The following NPAT variants were observed in gnomAD, a reference collection of about 807,000 sequenced individuals.
NPAT encodes nuclear protein, coactivator of histone transcription.
Under a neutral mutation model 130.7 loss-of-function variants are expected in NPAT, and 52 were observed. The observed-to-expected ratio is 0.40, with a 90% CI of 0.32 to 0.50. The LOEUF (loss-of-function observed/expected upper bound fraction) is 0.50, where lower values mean the gene tolerates loss of function less well. Ranked by LOEUF, NPAT falls within the 20% of genes least tolerant of loss-of-function variation. The pLI, the probability that NPAT is intolerant of heterozygous loss-of-function variation, is 0.68. For synonymous variants in NPAT, 580 were observed against 584.8 expected (o/e 0.99, Z 0.12); for missense variants, 1,687 against 1,662.6 (o/e 1.01, Z -0.26).
intron 10 of NPAT, among the ~76,000 whole-genome samples, chr11:108,179,724 G>A (rs538313382): frequency 4.7e-4 from 71 of 152,184 alleles, no homozygotes; most frequent in African/African-American, 1.7e-3. Context: ...CAAGGCAGGA[G>A]GATGGCTTGA....
At position 108,172,465 on chromosome 11, in the gene NPAT, G is replaced by GT; in HGVS notation, c.2518dup (p.Thr840AsnfsTer26). 3 of 1,614,174 alleles carry GT rather than the reference G, an allele frequency of 1.9e-6. No homozygotes were observed. The highest frequency in any genetic ancestry group is 2.5e-6 in the Non-Finnish European group (3 of 1,180,012). ...TCCTCCATCCTTGGAAACACATGGT[G>GT]TAACATTAGCTGAAAAAGCAATGCC... On this transcript the variant is annotated frameshift_variant, in exon 13 of 18. Coordinates refer to ENST00000278612, the MANE Select transcript of NPAT (RefSeq NM_002519.3). LOFTEE classifies it high-confidence loss of function.
In NPAT at chr11:108,173,556, G is replaced by A. The variant is rs372552435; in HGVS notation, c.1428C>T (p.Ser476=). The change falls in exon 13 of 18, where the codon TCC becomes TCT. Residue 476 remains serine (S), a synonymous_variant. Transcript: ENST00000278612. The part of the protein sequence containing the change: ...HCAELYTNQM[S]TETEMAIGIE... ...TCCCTATAGCCATTTCAGTTTCAGT[G>A]GACATCTGATTGGTGTATAATTCAG... 2.7e-5 allele frequency: 44 copies of A among 1,614,034 alleles called. No homozygotes were observed. Among genetic ancestry groups the A allele is most frequent in the African/African-American group, 5.3e-5 (4 of 74,922 alleles).
At chr11:108,212,081 A>G (rs1413855694) in intron 1 of NPAT, among the ~76,000 whole-genome samples, 1 of 152,198 alleles carries the variant, frequency 6.6e-6, no homozygotes, top group African/African-American at 2.4e-5. Flanking sequence ...TATTAAAAAA[A>G]AAAAAAGCCA....
Position 108,172,983 on chromosome 11 carries a change from T to C in NPAT, c.2001A>G (p.Lys667=), listed in dbSNP as rs371874908. Residue 667 remains lysine, a synonymous_variant, in exon 13 of 18, where the codon AAA becomes AAG. Transcript: ENST00000278612. ...ENSQEPSSSV[K]EENTIFLSLG... ...AAGAGAGAAAAATAGTATTCTCTTC[T>C]TTTACAGAAGATGAAGGCTCCTGTG... is the stretch of plus-strand genomic sequence containing the variant. 1 of 1,614,128 alleles carries C rather than the reference T, an allele frequency of 6.2e-7. No homozygotes were observed. Among genetic ancestry groups the C allele is most frequent in the East Asian group, 2.2e-5 (1 of 44,878 alleles).
intron 1 of NPAT, among the ~76,000 whole-genome samples, chr11:108,221,795 G>C (rs2078505363): frequency 6.6e-6 from 1 of 152,068 alleles, no homozygotes; most frequent in Non-Finnish European, 1.5e-5. Context: ...CTCTCACACA[G>C]ACAATACACC....
chr11:108,188,235 T>C, intron 6 of NPAT, 56 bp from the exon 7 acceptor site: 6 of 1,257,618 alleles, frequency 4.8e-6, no homozygotes, highest in South Asian at 1.2e-5. Context: ...TTTTCTAAAC[T>C]TGTAATGGGA....
chr11:108,162,577 C>T (rs1041611633), intron 15 of NPAT, among the ~76,000 whole-genome samples: 2 of 152,034 alleles, frequency 1.3e-5, no homozygotes, highest in Admixed American at 6.6e-5. Context: ...ATTACAGGCG[C>T]CCCCAACCAT....
chr11:108,199,843 G>A (rs1419264803), intron 1 of NPAT, among the ~76,000 whole-genome samples: 1 of 152,156 alleles, frequency 6.6e-6, no homozygotes, highest in Non-Finnish European at 1.5e-5. Context: ...ATCCCCAACA[G>A]CCCGTTCGGG....
chr11:108,177,565 G>T (rs1487558021), intron 10 of NPAT, among the ~76,000 whole-genome samples: 1 of 152,058 alleles, frequency 6.6e-6, no homozygotes, highest in Admixed American at 6.6e-5. Context: ...CCAATGACAT[G>T]CTCATTTAAA....
intron 1 of NPAT, among the ~76,000 whole-genome samples, chr11:108,216,889 T>C (rs544164521): frequency 6.6e-6 from 1 of 152,354 alleles, no homozygotes; most frequent in East Asian, 1.9e-4. Flanking sequence ...TGGTTTACTT[T>C]TGTCCCAAAA....
At chr11:108,178,493 T>C (rs2078030387) in intron 10 of NPAT, among the ~76,000 whole-genome samples, 1 of 152,174 alleles carries the variant, frequency 6.6e-6, no homozygotes, top group Non-Finnish European at 1.5e-5. Context: ...TTAAAACCTA[T>C]AGATTAAATG....
intron 12 of NPAT, among the ~76,000 whole-genome samples, chr11:108,175,032 A>G (rs1001700618): frequency 1.3e-5 from 2 of 152,214 alleles, no homozygotes; most frequent in Admixed American, 6.5e-5. Flanking sequence ...TATGTCAACT[A>G]GCATATACAG....
chr11:108,190,008 G>C (rs904030660), intron 5 of NPAT, among the ~76,000 whole-genome samples: 4 of 151,120 alleles, frequency 2.6e-5, no homozygotes, highest in Admixed American at 6.6e-5. Flanking sequence ...TAACATAACT[G>C]TACTTAGAAA....
chr11:108,213,755 C>T (rs1465942199), intron 1 of NPAT, among the ~76,000 whole-genome samples: 1 of 152,198 alleles, frequency 6.6e-6, no homozygotes, highest in African/African-American at 2.4e-5. Context: ...TCAAAACTTA[C>T]TGTAAAGCTA....
Position 108,185,313 on chromosome 11 carries a change from G to A in NPAT, c.825C>T (p.Asn275=). The A allele has an allele frequency of 8.1e-6, 13 of 1,606,634 alleles. No homozygotes were observed. The highest frequency in any genetic ancestry group is 1.1e-5 in the Non-Finnish European group (13 of 1,174,472). The change falls in exon 10 of 18, where the codon AAC becomes AAT. Residue 275 remains asparagine, a synonymous_variant. Transcript: ENST00000278612. ...ENINKFLTSD[N]NIAQVPKQTD... ...TTTGCTTAGGTACTTGGGCAATATTGTTATCACTGTTAATAAAGAAAGAAA... is the reference window on the plus strand; with the variant it reads ...TTTGCTTAGGTACTTGGGCAATATTATTATCACTGTTAATAAAGAAAGAAA...
At chr11:108,195,486 T>C (rs1156399760) in intron 2 of NPAT, among the ~76,000 whole-genome samples, 1 of 152,274 alleles carries the variant, frequency 6.6e-6, no homozygotes, top group African/African-American at 2.4e-5. Flanking sequence ...TATTGCCATC[T>C]GTATATTTTC....
Position 108,188,196 on chromosome 11 carries a change from C to T in NPAT, c.557-17G>A, listed in dbSNP as rs1189008802. Reference sequence around the variant, plus strand: ...CTTCTCCAGCTGTATTTCAAGAAAACATAACAGTAAGCCAAAGAAACTGAA... The same window carrying T: ...CTTCTCCAGCTGTATTTCAAGAAAATATAACAGTAAGCCAAAGAAACTGAA... On this transcript the variant is annotated splice_polypyrimidine_tract_variant and intron_variant, in intron 6 of 17. Transcript: ENST00000278612. 1 of 1,596,434 alleles carries T rather than the reference C, an allele frequency of 6.3e-7. No homozygotes were observed. The highest frequency in any genetic ancestry group is 8.6e-7 in the Non-Finnish European group (1 of 1,164,320).
At chr11:108,178,460 T>C (rs1190726310) in intron 10 of NPAT, among the ~76,000 whole-genome samples, 2 of 152,164 alleles carry the variant, frequency 1.3e-5, no homozygotes, top group Non-Finnish European at 2.9e-5. Flanking sequence ...CAAGATTTAA[T>C]ATTGCTAAGA....
At chr11:108,193,509 T>A (rs934368086) in intron 3 of NPAT, among the ~76,000 whole-genome samples, 2 of 152,150 alleles carry the variant, frequency 1.3e-5, no homozygotes, top group South Asian at 4.1e-4. Context: ...GTGGATCACC[T>A]GAGGTCGGGA....
Sources: gnomAD v4.1 joint callset for allele counts (sites outside exome capture counted in the v4.1 genomes callset) on GRCh38, gnomAD v4.1.1 for gene constraint, MANE v1.5 for transcripts, NCBI Gene and HGNC (gene_info 2026-07-23, HGNC 2026-07-21) for gene names.